XG: variants seen among roughly 807,000 people sequenced by gnomAD.
The protein encoded by XG is Xg glycoprotein (Xg blood group), also known as glycoprotein Xg.
A neutral mutation model predicts 25.7 loss-of-function variants in XG; 24 were observed. The ratio of observed to expected loss-of-function variants is 0.93; its 90% confidence interval spans 0.68 to 1.31. XG has a LOEUF of 1.31. Among genes scored for constraint, XG ranks in the 40% most tolerant of loss-of-function variants. The pLI is 0.00. For missense variants in XG, 181 were observed against 187.6 expected, an observed-to-expected ratio of 0.96 and a Z score of 0.21; for synonymous variants, 77 against 69.2, an observed-to-expected ratio of 1.11 and a Z score of -0.56.
Position 2,814,440 on chromosome X carries a change from C to A in XG, c.*60C>A. 2 of 1,158,730 alleles carry A rather than the reference C, an allele frequency of 1.7e-6. No homozygotes were observed. The highest frequency in any genetic ancestry group is 2.3e-6 in the Non-Finnish European group (2 of 859,118). ...CAACTAAAACAAGAACCGTGTTTAT[C>A]ACTGTTGTGGAGATTTCCTTTTATT... On this transcript the variant is annotated 3_prime_UTR_variant, in exon 11 of 11. Coordinates refer to ENST00000644266, the MANE Select transcript of XG (RefSeq NM_001141919.2).
At chrX:2,775,453 C>T (rs1469370926) in intron 3 of XG, among the ~76,000 whole-genome samples, 9 of 152,212 alleles carry the variant, frequency 5.9e-5, no homozygotes, top group South Asian at 4.1e-4. Context: ...GAAGCAATGT[C>T]GTGACTGCCA....
rs150256738 is a variant in XG, at chrX:2,794,344, G to A, written c.254-191G>A. On this transcript the variant is annotated intron_variant, in intron 5 of 10. Transcript: ENST00000644266. The stretch of plus-strand genomic sequence containing the variant: ...TGCAGACGTTCTGGGCCCTGCACAC[G>A]CCTCCTTGCAGGCAAGGCGGCCAGC... 5.5e-3 allele frequency among the ~76,000 whole-genome samples: 614 copies of A among 112,355 alleles called. 6 individuals are homozygous for A. The highest frequency in any genetic ancestry group is 0.018 in the African/African-American group (571 of 31,006).
intron 4 of XG, among the ~76,000 whole-genome samples, chrX:2,787,960 G>A (rs1307003473): frequency 3.8e-5 from 4 of 106,542 alleles, no homozygotes; most frequent in African/African-American, 1.4e-4. Context: ...GTCCATGCCT[G>A]TAGTCCTAGC....
intron 3 of XG, among the ~76,000 whole-genome samples, chrX:2,775,266 C>T (rs1433174876): frequency 9.2e-5 from 14 of 152,140 alleles, no homozygotes; most frequent in Non-Finnish European, 1.9e-4. Flanking sequence ...AAAATGTGGT[C>T]CATTCACACA....
intron 7 of XG, among the ~76,000 whole-genome samples, chrX:2,798,464 G>C (rs781201984): frequency 9.5e-6 from 1 of 105,698 alleles, no homozygotes; most frequent in East Asian, 3.0e-4. Flanking sequence ...TTGGCCTCCC[G>C]GGTTCAAGTG....
chrX:2,772,575 G>T (rs1237885585), intron 2 of XG, among the ~76,000 whole-genome samples: 1 of 152,288 alleles, frequency 6.6e-6, no homozygotes, highest in Non-Finnish European at 1.5e-5. Context: ...GGGAGGGACT[G>T]CTCGTGGCTA....
At chrX:2,757,414 C>T (rs902700977) in intron 1 of XG, among the ~76,000 whole-genome samples, 2 of 151,204 alleles carry the variant, frequency 1.3e-5, no homozygotes, top group East Asian at 1.9e-4. Flanking sequence ...TGGGGAACTG[C>T]CCTCTTGTAT....
chrX:2,754,484 C>T (rs189426926), intron 1 of XG, among the ~76,000 whole-genome samples: 29 of 152,224 alleles, frequency 1.9e-4, no homozygotes, highest in African/African-American at 5.8e-4. Flanking sequence ...AGCCCTATGA[C>T]GGGAGTGTCG....
intron 1 of XG, among the ~76,000 whole-genome samples, chrX:2,769,302 C>T (rs1424309879): frequency 6.6e-6 from 1 of 152,130 alleles, no homozygotes; most frequent in Non-Finnish European, 1.5e-5. Flanking sequence ...CACCTGGTTC[C>T]CCCAGGCTTA....
intron 1 of XG, among the ~76,000 whole-genome samples, chrX:2,760,734 C>CAA (rs60707389): frequency 2.2e-4 from 15 of 67,812 alleles, no homozygotes; most frequent in East Asian, 4.1e-4. Flanking sequence ...GGCTCTGTCT[C>CAA]AAAAAAAAAA....
rs138129075 is a variant in XG at position 2,786,538 on chromosome X, G to A, written c.191-3106G>A. Among the ~76,000 whole-genome samples, 232 of 110,323 alleles carry A rather than the reference G, an allele frequency of 2.1e-3. 2 individuals are homozygous for A. Among genetic ancestry groups the A allele is most frequent in the African/African-American group, 7.5e-3 (228 of 30,349 alleles). The stretch of plus-strand genomic sequence containing the variant: ...CCACCTTGGCCTCCCAAAATGCTGG[G>A]ATTACAGGTGTGAGCCACTGTGCCT... On this transcript the variant is annotated intron_variant, in intron 4 of 10. Transcript: ENST00000644266.
intron 1 of XG, among the ~76,000 whole-genome samples, chrX:2,766,758 GGT>G (rs2050706578): frequency 6.6e-6 from 1 of 150,426 alleles, no homozygotes; most frequent in Non-Finnish European, 1.5e-5. Context: ...CTAGAGACGG[GGT>G]TTCACCGTGT....
chrX:2,796,847 A>G (rs1425810938), intron 6 of XG, among the ~76,000 whole-genome samples: 1 of 112,316 alleles, frequency 8.9e-6, no homozygotes, highest in Non-Finnish European at 1.9e-5. Flanking sequence ...GCAATAAATA[A>G]AGAGCGCTGT....
chrX:2,812,515 C>T (rs2087067755), intron 10 of XG, among the ~76,000 whole-genome samples: 1 of 110,998 alleles, frequency 9.0e-6, no homozygotes, highest in Non-Finnish European at 1.9e-5. Flanking sequence ...CGAAGGAAAC[C>T]AGAAAGGGGT....
At chrX:2,755,366 C>T (rs988904951) in intron 1 of XG, among the ~76,000 whole-genome samples, 4 of 152,060 alleles carry the variant, frequency 2.6e-5, no homozygotes, top group Admixed American at 1.3e-4. Context: ...CTGACATTGC[C>T]GTGGTATTTG....
chrX:2,811,462 G>A lies in XG; in HGVS notation c.571+10G>A, dbSNP rs1418853291. On this transcript the variant is annotated intron_variant, in intron 10 of 10. Coordinates refer to ENST00000644266, the MANE Select transcript of XG (RefSeq NM_001141919.2). ...TGTTTCAGGACCCATGGTAAGTTTGGCTCTAAACATTGTTTTGCTTGTTAC... is the reference window on the plus strand; with the variant it reads ...TGTTTCAGGACCCATGGTAAGTTTGACTCTAAACATTGTTTTGCTTGTTAC... 8.7e-7 allele frequency: 1 copy of A among 1,155,851 alleles called. No homozygotes were observed. Among genetic ancestry groups the A allele is most frequent in the Non-Finnish European group, 1.2e-6 (1 of 858,806 alleles).
intron 1 of XG, among the ~76,000 whole-genome samples, chrX:2,767,945 A>C (rs2050736011): frequency 6.6e-6 from 1 of 152,124 alleles, no homozygotes; most frequent in Non-Finnish European, 1.5e-5. Flanking sequence ...CCCAGGCTCC[A>C]CTTCCTCTGT....
chrX:2,796,466 A>ATGTG (rs1285407658), intron 6 of XG, among the ~76,000 whole-genome samples: 11 of 51,576 alleles, frequency 2.1e-4, no homozygotes, highest in Non-Finnish European at 3.5e-4. Flanking sequence ...ACATTTAGGT[A>ATGTG]TATGTGTGTG....
chrX:2,760,124 G>A (rs111436368), intron 1 of XG, among the ~76,000 whole-genome samples: 13,409 of 151,976 alleles, frequency 0.088, 631 homozygotes, highest in Non-Finnish European at 0.11. Flanking sequence ...GCACTGCAGT[G>A]AGCTGAGATT....
Sources: allele counts gnomAD v4.1 joint callset (sites outside exome capture counted in the v4.1 genomes callset), GRCh38; gene constraint gnomAD v4.1.1; transcripts MANE v1.5; gene names NCBI Gene and HGNC (gene_info 2026-07-23, HGNC 2026-07-21).